ABL1: variants seen among roughly 807,000 people sequenced by gnomAD.
ABL1 encodes the protein tyrosine-protein kinase ABL1.
In ABL1, 11 loss-of-function variants were observed where a neutral mutation model predicts 94.7. The ratio of observed to expected loss-of-function variants is 0.12; its 90% CI spans 0.07 to 0.19. ABL1 has a LOEUF of 0.19. Among genes scored for constraint, ABL1 ranks in the 10% least tolerant of loss-of-function variants. The pLI is 1.00. For synonymous variants in ABL1, 656 were observed against 622.4 expected (o/e 1.05, Z -0.80); for missense variants, 1,082 against 1,489.4 (o/e 0.73, Z 4.50).
In ABL1 at chr9:130,854,833, A is replaced by G; in HGVS notation, c.286A>G (p.Asn96Asp). 11 of 1,614,180 alleles carry G rather than the reference A, an allele frequency of 6.8e-6. No individual in the cohort carries two copies. The highest frequency in any genetic ancestry group is 9.3e-6 in the Non-Finnish European group (11 of 1,180,022). ...GCTCCGGGTCTTAGGCTATAATCACAATGGGGAATGGTGTGAAGCCCAAAC... is the reference window on the plus strand; with the variant it reads ...GCTCCGGGTCTTAGGCTATAATCACGATGGGGAATGGTGTGAAGCCCAAAC... ...EKLRVLGYNH[N>D]GEWCEAQTKN... The change falls in exon 3 of 11, where the codon AAT becomes GAT. Residue 96 changes from asparagine (N) to aspartate (D), a missense_variant. This residue lies in a region of ABL1 where 47 missense variants were observed against 142.2 expected (regional missense o/e 0.33). Coordinates refer to ENST00000318560, the MANE Select transcript of ABL1 (RefSeq NM_005157.6).
chr9:130,823,729 G>A (rs1252527100), intron 1 of ABL1, among the ~76,000 whole-genome samples: 1 of 152,196 alleles, frequency 6.6e-6, no homozygotes, highest in East Asian at 1.9e-4. Flanking sequence ...ACTTAGTCAT[G>A]TGGTAGTGCC....
chr9:130,732,983 G>T (rs1831686250), intron 1 of ABL1, among the ~76,000 whole-genome samples: 1 of 152,178 alleles, frequency 6.6e-6, no homozygotes, highest in Admixed American at 6.5e-5. Flanking sequence ...TTCTTGAGAG[G>T]TAGAAAACAG....
At chr9:130,748,389 A>G (rs917105158) in intron 1 of ABL1, among the ~76,000 whole-genome samples, 8 of 152,060 alleles carry the variant, frequency 5.3e-5, no homozygotes, top group Non-Finnish European at 8.8e-5. Context: ...TGACTCTAAT[A>G]TAAGAGTTGA....
In ABL1 at chr9:130,823,571, C is replaced by G. The variant is rs34158678; in HGVS notation, c.137-30493C>G. Among the ~76,000 whole-genome samples, 569 of 152,294 alleles carry G rather than the reference C, an allele frequency of 3.7e-3. 17 individuals carry two copies. The highest frequency in any genetic ancestry group is 0.034 in the Admixed American group (513 of 15,284). Reference sequence around the variant, plus strand: ...CTGTCCCTTACTCTGTAAGGCACAGCTTCTACCTCAGGATCCAAAATGCCC... The same window carrying G: ...CTGTCCCTTACTCTGTAAGGCACAGGTTCTACCTCAGGATCCAAAATGCCC... On this transcript the variant is annotated intron_variant, in intron 1 of 10. Coordinates refer to the ABL1 transcript ENST00000372348.
chr9:130,727,748 A>ACC (rs1160193668), intron 1 of ABL1, among the ~76,000 whole-genome samples: 2 of 94,004 alleles, frequency 2.1e-5, no homozygotes, highest in Admixed American at 1.1e-4. Context: ...AGAGTGAGAC[A>ACC]CCGCCCCCCC....
chr9:130,841,309 A>G (rs895199622), intron 1 of ABL1, among the ~76,000 whole-genome samples: 1 of 151,644 alleles, frequency 6.6e-6, no homozygotes. Context: ...GGGTTTCACC[A>G]TGTTAGCCAG....
intron 1 of ABL1, among the ~76,000 whole-genome samples, chr9:130,724,000 C>T (rs1310962982): frequency 6.6e-6 from 1 of 152,040 alleles, no homozygotes; most frequent in Non-Finnish European, 1.5e-5. Context: ...TTAGTAGAGA[C>T]CAGGTTTCAC....
rs144159679 is a variant in ABL1 at position 130,827,558 on chromosome 9, T to C, written c.137-26506T>C. 4.5e-3 allele frequency among the ~76,000 whole-genome samples: 683 copies of C among 152,240 alleles called. 5 individuals are homozygous for C. Among genetic ancestry groups the C allele is most frequent in the African/African-American group, 0.016 (654 of 41,528 alleles). On this transcript the variant is annotated intron_variant, in intron 1 of 10. Coordinates refer to the ABL1 transcript ENST00000372348. Reference sequence around the variant, plus strand: ...AAACAAATAGCAGAAAACAGGAACTTGGTGGAAATAAAGACAATGCAGTCA... The same window carrying C: ...AAACAAATAGCAGAAAACAGGAACTCGGTGGAAATAAAGACAATGCAGTCA...
chr9:130,776,662 T>C (rs1478862423), intron 1 of ABL1, among the ~76,000 whole-genome samples: 5 of 151,542 alleles, frequency 3.3e-5, no homozygotes, highest in African/African-American at 1.2e-4. Flanking sequence ...GGTGTGAAGT[T>C]GGTAGCCCTG....
At chr9:130,774,030 A>G (rs1469530091) in intron 1 of ABL1, among the ~76,000 whole-genome samples, 2 of 152,142 alleles carry the variant, frequency 1.3e-5, no homozygotes, top group Non-Finnish European at 2.9e-5. Flanking sequence ...ATTTTAGAAA[A>G]TACAGTCATA....
intron 1 of ABL1, among the ~76,000 whole-genome samples, chr9:130,741,842 A>C (rs187014639): frequency 6.6e-6 from 1 of 152,206 alleles, no homozygotes. Context: ...AACAGGAGCA[A>C]GATAAGAACA....
At chr9:130,798,745 G>T (rs1830014068) in intron 1 of ABL1, among the ~76,000 whole-genome samples, 1 of 151,950 alleles carries the variant, frequency 6.6e-6, no homozygotes, top group Non-Finnish European at 1.5e-5. Context: ...GAGGCGGGTG[G>T]ATCACGAGGT....
chr9:130,805,740 G>T (rs1830116779), intron 1 of ABL1, among the ~76,000 whole-genome samples: 1 of 152,170 alleles, frequency 6.6e-6, no homozygotes, highest in Admixed American at 6.5e-5. Flanking sequence ...GGTTTCAGTA[G>T]TAACTCAGGA....
Position 130,880,664 on chromosome 9 carries a change from G to T in ABL1, c.1678G>T (p.Asp560Tyr). Residue 560 changes from aspartate (D) to tyrosine (Y), a missense_variant and splice_region_variant, in exon 10 of 11, where the codon GAT becomes TAT. Coordinates refer to ENST00000318560, the MANE Select transcript of ABL1 (RefSeq NM_005157.6). This position sits in a 1 kb window ranked among gnomAD's most constrained non-coding sequence, Gnocchi z 4.4. ...MPHSKGQGES[D>Y]PLDHEPAVSP... Reference sequence around the variant, plus strand: ...TCACTCCAAGGGCCAGGGAGAGAGCGGTAAGTCCCCCGCTTCCCCCAACCC... The same window carrying T: ...TCACTCCAAGGGCCAGGGAGAGAGCTGTAAGTCCCCCGCTTCCCCCAACCC... 1.2e-6 allele frequency: 2 copies of T among 1,612,826 alleles called. No individual in the cohort carries two copies. The highest frequency in any genetic ancestry group is 2.7e-5 in the African/African-American group (2 of 74,952).
At chr9:130,724,873 C>A in intron 1 of ABL1, 1 of 448,270 alleles carries the variant, frequency 2.2e-6, no homozygotes, top group South Asian at 1.7e-5. Context: ...CGCCCAGTCC[C>A]TGTGGCCTTT....
At chr9:130,837,598 T>C (rs2132920407) in intron 1 of ABL1, among the ~76,000 whole-genome samples, 1 of 152,302 alleles carries the variant, frequency 6.6e-6, no homozygotes, top group South Asian at 2.1e-4. Flanking sequence ...GGTTAAACCT[T>C]CTTCTAGGAA....
chr9:130,766,147 G>A (rs1446899110), intron 1 of ABL1, among the ~76,000 whole-genome samples: 9 of 152,228 alleles, frequency 5.9e-5, no homozygotes, highest in East Asian at 5.8e-4. Context: ...CGTGGCATGC[G>A]TTGGTGCGCT....
chr9:130,803,442 CAT>C (rs1445097604), intron 1 of ABL1, among the ~76,000 whole-genome samples: 1 of 152,104 alleles, frequency 6.6e-6, no homozygotes, highest in African/African-American at 2.4e-5. Context: ...CTGTGCATGA[CAT>C]AAATCATAAT....
At chr9:130,714,133 A>G (rs576831925) in exon 1 of ABL1, 1 of 456,364 alleles carries the variant, frequency 2.2e-6, no homozygotes, top group African/African-American at 2.0e-5. Context: ...CCTGCTTGCA[A>G]GTGTCAACCT....
Sources: gnomAD v4.1 joint callset for allele counts (sites outside exome capture counted in the v4.1 genomes callset) on GRCh38, gnomAD v4.1.1 for gene constraint, gnomAD v4.1.1 regional missense constraint, Gnocchi (gnomAD v3.1) non-coding constraint, MANE v1.5 for transcripts, NCBI Gene and HGNC (gene_info 2026-07-23, HGNC 2026-07-21) for gene names.